Variants in PLD1 observed in about 807,000 individuals in gnomAD.
The protein encoded by PLD1 is phospholipase D1.
PLD1 carries 112 observed loss-of-function variants against 137.1 expected under a neutral mutation model. The observed-to-expected ratio is 0.82, with a 90% CI of 0.70 to 0.96. The LOEUF (loss-of-function observed/expected upper bound fraction) is 0.96, where lower values mean the gene tolerates loss of function less well. Ranked by LOEUF, PLD1 falls within the 40% of genes least tolerant of loss-of-function variation. PLD1 has a pLI of 0.00. For synonymous variants in PLD1, 431 were observed against 454.7 expected (o/e 0.95, Z 0.66); for missense variants, 1,321 against 1,342.0 (o/e 0.98, Z 0.24).
At chr3:171,624,071 C>G (rs138673748) in intron 23 of PLD1, among the ~76,000 whole-genome samples, 3 of 145,498 alleles carry the variant, frequency 2.1e-5, no homozygotes, top group African/African-American at 7.6e-5. Context: ...ACACAAAACA[C>G]GACAAGCAAA....
chr3:171,679,657 A>G (rs1185249017), intron 16 of PLD1, among the ~76,000 whole-genome samples: 1 of 152,256 alleles, frequency 6.6e-6, no homozygotes, highest in Non-Finnish European at 1.5e-5. Context: ...CAGTTATGAT[A>G]AGGAAAATAA....
intron 1 of PLD1, among the ~76,000 whole-genome samples, chr3:171,754,663 A>G (rs546135090): frequency 6.6e-6 from 1 of 152,240 alleles, no homozygotes; most frequent in Non-Finnish European, 1.5e-5. Flanking sequence ...TTTTAACAAA[A>G]GAAGTAAAGC....
Position 171,720,405 on chromosome 3 carries a change from A to G in PLD1, c.758+4291T>C, listed in dbSNP as rs372069697. 1.3e-3 allele frequency among the ~76,000 whole-genome samples: 196 copies of G among 151,926 alleles called. 3 individuals carry two copies. Among genetic ancestry groups the G allele is most frequent in the African/African-American group, 4.5e-3 (188 of 41,422 alleles). On this transcript the variant is annotated intron_variant, in intron 8 of 26. Transcript: ENST00000351298. ...GTTAGGAGATTGAGACCACAGTGAA[A>G]CCCCGTCTCTACTAAAAATACAAAA... is the stretch of plus-strand genomic sequence containing the variant.
chr3:171,610,266 A>G (rs1732546801), intron 25 of PLD1, among the ~76,000 whole-genome samples: 1 of 152,226 alleles, frequency 6.6e-6, no homozygotes, highest in East Asian at 1.9e-4. Flanking sequence ...AATAAAATAT[A>G]ATGTAGCCAT....
At chr3:171,686,931 G>A (rs1291552749) in intron 15 of PLD1, 133 bp from the exon 16 acceptor site, 1 of 534,850 alleles carries the variant, frequency 1.9e-6, no homozygotes, top group African/African-American at 2.0e-5. Flanking sequence ...ACAGAAAATT[G>A]TAGGGCTTTA....
intron 23 of PLD1, among the ~76,000 whole-genome samples, chr3:171,637,260 G>A (rs1015734149): frequency 1.8e-4 from 27 of 152,024 alleles, no homozygotes; most frequent in African/African-American, 5.6e-4. Context: ...CTTTTGAGAC[G>A]GAGTCTCACT....
chr3:171,629,710 A>G (rs1043056002), intron 23 of PLD1, among the ~76,000 whole-genome samples: 18 of 152,078 alleles, frequency 1.2e-4, no homozygotes, highest in East Asian at 1.9e-4. Flanking sequence ...ATAACGCCGC[A>G]TATCTACAAC....
chr3:171,631,214 G>C (rs1455645798), intron 23 of PLD1, among the ~76,000 whole-genome samples: 2 of 152,100 alleles, frequency 1.3e-5, no homozygotes, highest in African/African-American at 4.8e-5. Flanking sequence ...CTATAAGCAA[G>C]TGTTAAACTC....
chr3:171,720,016 C>T (rs975143291), intron 8 of PLD1, among the ~76,000 whole-genome samples: 7 of 152,082 alleles, frequency 4.6e-5, no homozygotes, highest in Admixed American at 2.0e-4. Context: ...TCGTCTTGGC[C>T]AGGTGCTGTG....
intron 19 of PLD1, among the ~76,000 whole-genome samples, chr3:171,673,073 A>C (rs1207587473): frequency 2.0e-5 from 3 of 152,250 alleles, no homozygotes; most frequent in Non-Finnish European, 4.4e-5. Context: ...TTCAAATCTT[A>C]AATTCTTATT....
In PLD1 at chr3:171,620,770, T is replaced by A. The variant is rs866915231; in HGVS notation, c.2594-250A>T. On this transcript the variant is annotated intron_variant, in intron 23 of 26. Coordinates refer to ENST00000351298, the MANE Select transcript of PLD1 (RefSeq NM_002662.5). Reference sequence around the variant, plus strand: ...TATATATATATATATATATATATATTATATATATTTTTTTTTTAATTGAAG... The same window carrying A: ...TATATATATATATATATATATATATAATATATATTTTTTTTTTAATTGAAG... Among the ~76,000 whole-genome samples the A allele has an allele frequency of 2.6e-3, 273 of 106,916 alleles. 1 individual carries two copies. The highest frequency in any genetic ancestry group is 9.5e-3 in the African/African-American group (163 of 17,116). 70.1% of individuals were successfully genotyped at this position (106,916 alleles called of 152,430 possible). A position where few individuals can be genotyped will look rare whatever the true frequency, so the allele number is the denominator to read the frequency against.
chr3:171,791,166 T>C (rs988177530), intron 1 of PLD1, among the ~76,000 whole-genome samples: 1 of 152,192 alleles, frequency 6.6e-6, no homozygotes, highest in Non-Finnish European at 1.5e-5. Flanking sequence ...TCCCATGGAA[T>C]AGAATTTCAT....
intron 11 of PLD1, among the ~76,000 whole-genome samples, chr3:171,701,721 C>T (rs1298926480): frequency 6.6e-6 from 1 of 152,110 alleles, no homozygotes; most frequent in Admixed American, 6.6e-5. Context: ...TATAACTTAC[C>T]AAGCATTATT....
At chr3:171,648,751 TCA>T (rs1736481514) in intron 21 of PLD1, among the ~76,000 whole-genome samples, 2 of 152,154 alleles carry the variant, frequency 1.3e-5, no homozygotes, top group African/African-American at 4.8e-5. Flanking sequence ...AGACGGGGTT[TCA>T]CCGTGTTAGC....
intron 1 of PLD1, chr3:171,792,889 C>A (rs942449111): frequency 3.3e-5 from 11 of 336,228 alleles, no homozygotes; most frequent in Non-Finnish European, 4.7e-5. Flanking sequence ...AGCCCTTTGG[C>A]CCACGGTCAT....
intron 7 of PLD1, 83 bp downstream of exon 7, chr3:171,725,935 C>G (rs1400799109): frequency 4.4e-6 from 4 of 903,224 alleles, no homozygotes; most frequent in East Asian, 2.4e-5. Context: ...CAGGAGGACT[C>G]CATCACCATG....
At chr3:171,719,656 T>C (rs1057358647) in intron 8 of PLD1, among the ~76,000 whole-genome samples, 1 of 152,232 alleles carries the variant, frequency 6.6e-6, no homozygotes, top group Non-Finnish European at 1.5e-5. Context: ...CCCTAATAAA[T>C]GCTAAATTTA....
intron 21 of PLD1, among the ~76,000 whole-genome samples, chr3:171,657,182 CAAT>C (rs1000833808): frequency 2.6e-5 from 4 of 152,124 alleles, no homozygotes; most frequent in South Asian, 2.1e-4. Context: ...ATAATAACAA[CAAT>C]AACAACAACA....
chr3:171,740,678 T>C (rs980701202), intron 1 of PLD1, among the ~76,000 whole-genome samples: 1 of 152,154 alleles, frequency 6.6e-6, no homozygotes, highest in African/African-American at 2.4e-5. Context: ...GAAATAAATA[T>C]CTGACTTCAG....
Sources: allele counts gnomAD v4.1 joint callset (sites outside exome capture counted in the v4.1 genomes callset), GRCh38; gene constraint gnomAD v4.1.1; transcripts MANE v1.5; gene names NCBI Gene and HGNC (gene_info 2026-07-23, HGNC 2026-07-21).